Variants in SH3BP1 observed in about 807,000 individuals in gnomAD.
SH3BP1 encodes the protein SH3 domain-binding protein 1.
Under a neutral mutation model 69.8 loss-of-function variants are expected in SH3BP1, and 46 were observed. The ratio of observed to expected loss-of-function variants is 0.66; its 90% CI spans 0.52 to 0.84. SH3BP1 has a LOEUF of 0.84. Among genes scored for constraint, SH3BP1 ranks in the 40% least tolerant of loss-of-function variants. The pLI is 0.00. For synonymous variants in SH3BP1, 403 were observed against 378.0 expected (o/e 1.07, Z -0.77); for missense variants, 868 against 930.9 (o/e 0.93, Z 0.88).
Position 37,645,438 on chromosome 22 carries a change from G to A in SH3BP1, c.852G>A (p.Glu284=). 6.2e-7 allele frequency: 1 copy of A among 1,613,970 alleles called. No individual in the cohort carries two copies. The highest frequency in any genetic ancestry group is 1.3e-5 in the African/African-American group (1 of 75,024). ...YGVSLATHLQ[E]LGREIALPIE... ...TGTCGCTGGCAACCCACCTGCAAGA[G>A]CTGGGCCGGGAGATTGCCCTGCCCA... is the stretch of plus-strand genomic sequence containing the variant. Residue 284 remains glutamate (E), a synonymous_variant, in exon 10 of 18, where the codon GAG becomes GAA. Coordinates refer to ENST00000649765, the MANE Select transcript of SH3BP1 (RefSeq NM_018957.6).
At chr22:37,640,539 A>G (rs111785354) in intron 1 of SH3BP1, 10,443 of 153,674 alleles carry the variant, frequency 0.068, 404 homozygotes, top group South Asian at 0.13. Context: ...CTCTGGGTCC[A>G]GGGAGGGGAC....
rs1180167644 is a variant in SH3BP1 at position 37,639,745 on chromosome 22, G to A, written c.-43G>A. The A allele has an allele frequency of 3.7e-6, 5 of 1,334,264 alleles. No homozygotes were observed. Among genetic ancestry groups the A allele is most frequent in the East Asian group, 3.1e-5 (1 of 32,596 alleles). The allele number at this position is 1,334,264 out of a possible 1,614,324, so 82.7% of individuals were successfully genotyped here. A position where few individuals can be genotyped will look rare whatever the true frequency, so the allele number is the denominator to read the frequency against. On this transcript the variant is annotated 5_prime_UTR_variant, in exon 1 of 18. Coordinates refer to ENST00000649765, the MANE Select transcript of SH3BP1 (RefSeq NM_018957.6). The stretch of plus-strand genomic sequence containing the variant: ...GCTGGACCGGGGGCTCCCCGGGCCC[G>A]CGACCCCCGCCGTGACCCCGCAGCC...
Position 37,643,084 on chromosome 22 carries a change from A to AT in SH3BP1, c.397-13dup. 1.3e-6 allele frequency: 2 copies of AT among 1,583,832 alleles called. No individual in the cohort carries two copies. Among genetic ancestry groups the AT allele is most frequent in the Admixed American group, 3.4e-5 (2 of 59,022 alleles). On this transcript the variant is annotated splice_polypyrimidine_tract_variant and intron_variant, in intron 5 of 17. Transcript: ENST00000649765. ...CCTCCCCCAGCACACTGACCCCCCCATGCCCATCCCCAGGAGGAGCTGCCA... is the reference window on the plus strand; with the variant it reads ...CCTCCCCCAGCACACTGACCCCCCCATTGCCCATCCCCAGGAGGAGCTGCCA...
rs766669361 is a variant in SH3BP1 at position 37,650,250 on chromosome 22, G to C, written c.1414+1G>C. On this transcript the variant is annotated splice_donor_variant, in intron 15 of 17. Transcript: ENST00000649765. LOFTEE classifies it high-confidence loss of function. ...AGCGCAGACACCCTCTTCCCTGGAG[G>C]TGAAGCTCCTGCCTGCATGGACGCC... 1.2e-6 allele frequency: 2 copies of C among 1,604,064 alleles called. No homozygotes were observed. Among genetic ancestry groups the C allele is most frequent in the African/African-American group, 2.7e-5 (2 of 74,848 alleles).
rs931931282 is a variant in SH3BP1, at chr22:37,650,598, A to G, written c.1471A>G (p.Ser491Gly). The stretch of plus-strand genomic sequence containing the variant: ...AGCTGTTACCCTCCAGGACACAGTC[A>G]GTGACAGGCTGGCCTCTGAGGAACT... ...FSAVTLQDTV[S>G]DRLASEELPS... is the part of the protein sequence containing the mutation. Residue 491 changes from serine to glycine, a missense_variant, in exon 16 of 18, where the codon AGT (serine) becomes GGT (glycine). Physicochemically the swap from Ser to Gly is moderately conservative, Grantham distance 56. This residue lies in a region of SH3BP1 where 474 missense variants were observed against 462.3 expected (regional missense o/e 1.03). Coordinates refer to ENST00000649765, the MANE Select transcript of SH3BP1 (RefSeq NM_018957.6). The G allele has an allele frequency of 6.8e-6, 11 of 1,613,968 alleles. No individual in the cohort carries two copies. In the African/African-American group the frequency reaches 1.5e-4, roughly 22 times the overall value.
At chr22:37,645,913 C>T (rs897647743) in intron 10 of SH3BP1, among the ~76,000 whole-genome samples, 7 of 151,608 alleles carry the variant, frequency 4.6e-5, no homozygotes, top group South Asian at 2.1e-4. Context: ...AACAGTTCTG[C>T]GCTGCTCAGC....
At position 37,641,110 on chromosome 22, in the gene SH3BP1, C is replaced by CCT. The variant is rs1038289029; in HGVS notation, c.60-15_60-14insTC. The CCT allele has an allele frequency of 7.0e-7, 1 of 1,422,016 alleles. No individual in the cohort carries two copies. The highest frequency in any genetic ancestry group is 1.5e-5 in the African/African-American group (1 of 68,424). The allele number at this position is 1,422,016 out of a possible 1,614,324, so 88.1% of individuals were successfully genotyped here. ...AGCAGAAGCACTCTCCCCCCCCCCC[C>CCT]CACCACTCCCCGCAGCACCCCGGAG... On this transcript the variant is annotated splice_polypyrimidine_tract_variant and intron_variant, in intron 1 of 17. Coordinates refer to ENST00000649765, the MANE Select transcript of SH3BP1 (RefSeq NM_018957.6).
intron 15 of SH3BP1, 36 bp from the exon 16 acceptor site, chr22:37,650,506 G>A: frequency 6.3e-7 from 1 of 1,582,702 alleles, no homozygotes; most frequent in Non-Finnish European, 8.6e-7. Context: ...GCCTGGCGCG[G>A]TCTCTGAGAG....
chr22:37,639,699 G>C lies in SH3BP1; in HGVS notation c.-89G>C, dbSNP rs1336125817. The stretch of plus-strand genomic sequence containing the variant: ...CGCCGCCCACCCATCCGGGGCAAGA[G>C]CCGCGCCGCAGGAGAGGCAGGCTGG... On this transcript the variant is annotated 5_prime_UTR_variant, in exon 1 of 18. Transcript: ENST00000649765. The C allele has an allele frequency of 2.5e-6, 2 of 812,776 alleles. No homozygotes were observed. Among genetic ancestry groups the C allele is most frequent in the Non-Finnish European group, 3.6e-6 (2 of 556,638 alleles). 50.3% of individuals were successfully genotyped at this position (812,776 alleles called of 1,614,324 possible). A position where few individuals can be genotyped will look rare whatever the true frequency, so the allele number is the denominator to read the frequency against.
At chr22:37,639,900 C>T in intron 1 of SH3BP1, 54 bp downstream of exon 1, 2 of 1,119,714 alleles carry the variant, frequency 1.8e-6, no homozygotes, top group Non-Finnish European at 2.5e-6. Context: ...CTTGAGGGGT[C>T]GTAAAAGGGT....
chr22:37,643,682 G>A lies in SH3BP1; in HGVS notation c.512G>A (p.Gly171Asp), dbSNP rs764430917. 2 of 1,614,182 alleles carry A rather than the reference G, an allele frequency of 1.2e-6. No homozygotes were observed. Among genetic ancestry groups the A allele is most frequent in the South Asian group, 2.2e-5 (2 of 91,090 alleles). The part of the protein sequence containing the change: ...QATKNSGSSQ[G>D]LGGSPGSHSH... ...ACCAAGAATTCAGGCAGCAGTCAAG[G>A]CCTAGGAGGCAGCCCGGGTAGTCAC... The change falls in exon 7 of 18, where the codon GGC becomes GAC. Residue 171 changes from glycine (G) to aspartate (D), a missense_variant. This residue lies in a region of SH3BP1 where 387 missense variants were observed against 447.9 expected (regional missense o/e 0.86). Transcript: ENST00000649765.
chr22:37,655,332 C>T lies in SH3BP1; in HGVS notation c.1754C>T (p.Ser585Phe), dbSNP rs1472343716. Residue 585 changes from serine to phenylalanine, a missense_variant, in exon 18 of 18, where the codon TCC (serine) becomes TTC (phenylalanine). Ser to Phe is a radical substitution (Grantham distance 155, BLOSUM62 -2). Coordinates refer to ENST00000649765, the MANE Select transcript of SH3BP1 (RefSeq NM_018957.6). Reference protein sequence around the residue: ...MPPPQVSGSRSSPPAPPLPPG... With the variant: ...MPPPQVSGSRFSPPAPPLPPG... ...CCCCCCCAGGTCTCCGGCTCCCGCT[C>T]CTCCCCTCCAGCCCCGCCCTTGCCC... The T allele has an allele frequency of 2.6e-6, 4 of 1,509,684 alleles. No homozygotes were observed. Among genetic ancestry groups the T allele is most frequent in the African/African-American group, 1.4e-5 (1 of 70,864 alleles). 93.5% of individuals were successfully genotyped at this position (1,509,684 alleles called of 1,614,324 possible).
At chr22:37,647,070 C>T (rs1932797698) in intron 11 of SH3BP1, 141 bp downstream of exon 11, 1 of 730,132 alleles carries the variant, frequency 1.4e-6, no homozygotes, top group Non-Finnish European at 2.2e-6. Flanking sequence ...TGGGGTCCAT[C>T]ATGAGCCCCC....
In SH3BP1 at chr22:37,643,103, G is replaced by A. The variant is rs1408415252; in HGVS notation, c.402G>A (p.Glu134=). The change falls in exon 6 of 18, where the codon GAG becomes GAA. Residue 134 remains glutamate, a synonymous_variant. Coordinates refer to ENST00000649765, the MANE Select transcript of SH3BP1 (RefSeq NM_018957.6). The part of the protein sequence containing the change: ...LQPLSRLSEE[E]LPAILKHKKS... Reference sequence around the variant, plus strand: ...CCCCCCATGCCCATCCCCAGGAGGAGCTGCCAGCCATCCTCAAACACAAGA... The same window carrying A: ...CCCCCCATGCCCATCCCCAGGAGGAACTGCCAGCCATCCTCAAACACAAGA... 2 of 1,610,912 alleles carry A rather than the reference G, an allele frequency of 1.2e-6. No individual in the cohort carries two copies. Among genetic ancestry groups the A allele is most frequent in the African/African-American group, 2.7e-5 (2 of 74,726 alleles).
Position 37,642,912 on chromosome 22 carries a change from G to A in SH3BP1, c.302G>A (p.Ser101Asn), listed in dbSNP as rs1361993385. The change falls in exon 5 of 18, where the codon AGC becomes AAC. Residue 101 changes from serine to asparagine, a missense_variant. Physicochemically the swap from Ser to Asn is conservative, Grantham distance 46 (BLOSUM62 1). Coordinates refer to ENST00000649765, the MANE Select transcript of SH3BP1 (RefSeq NM_018957.6). ...DSSMGKALEM[S>N]CAIQNQLARI... is the part of the protein sequence containing the mutation. ...GTCCACAGGAAGGCCTTGGAGATGA[G>A]CTGTGCCATCCAGAATCAGCTGGCC... 6.2e-7 allele frequency: 1 copy of A among 1,612,684 alleles called. No homozygotes were observed. The highest frequency in any genetic ancestry group is 2.2e-5 in the East Asian group (1 of 44,872).
intron 16 of SH3BP1, 191 bp downstream of exon 16, chr22:37,650,916 T>A: frequency 1.5e-6 from 1 of 669,856 alleles, no homozygotes; most frequent in South Asian, 2.1e-5. Flanking sequence ...CAGCCACTGA[T>A]GTGTGCCCTA....
Position 37,655,379 on chromosome 22 carries a change from A to ACC in SH3BP1, c.1806_1807dup (p.Gln603ProfsTer56). On this transcript the variant is annotated frameshift_variant, in exon 18 of 18. Transcript: ENST00000649765. LOFTEE classifies it low-confidence loss of function (END_TRUNC). ...GCCCCCTGGCTCTGGCAGCCCTGGG[A>ACC]CCCCCCAAGCCCTGCCCCGACGTCT... The ACC allele has an allele frequency of 9.1e-7, 1 of 1,095,250 alleles. No homozygotes were observed. Among genetic ancestry groups the ACC allele is most frequent in the Non-Finnish European group, 1.2e-6 (1 of 847,986 alleles). 67.8% of individuals were successfully genotyped at this position (1,095,250 alleles called of 1,614,324 possible).
intron 10 of SH3BP1, among the ~76,000 whole-genome samples, chr22:37,645,960 CTTTTTT>C (rs11329854): frequency 1.3e-4 from 16 of 126,264 alleles, no homozygotes; most frequent in Middle Eastern, 3.9e-3. Context: ...CTCCCTTACA[CTTTTTT>C]TTTTTTTTTT....
chr22:37,644,354 G>A (rs563603406), intron 7 of SH3BP1, among the ~76,000 whole-genome samples: 31 of 152,218 alleles, frequency 2.0e-4, no homozygotes, highest in Non-Finnish European at 2.9e-4. Flanking sequence ...ACTCCAGCCC[G>A]GGCAACAGTG....
Sources: allele counts gnomAD v4.1 joint callset (sites outside exome capture counted in the v4.1 genomes callset), GRCh38; gene constraint gnomAD v4.1.1; regional missense constraint gnomAD v4.1.1; transcripts MANE v1.5; gene names NCBI Gene and HGNC (gene_info 2026-07-23, HGNC 2026-07-21).